The following MSR1 variants were observed in gnomAD, a reference collection of about 807,000 sequenced individuals.
The protein encoded by MSR1 is macrophage scavenger receptor types I and II.
A neutral mutation model predicts 47.2 loss-of-function variants in MSR1; 53 were observed. The ratio of observed to expected loss-of-function variants is 1.12; its 90% CI spans 0.90 to 1.41. The LOEUF (loss-of-function observed/expected upper bound fraction) is 1.41, where lower values mean the gene tolerates loss of function less well. Ranked by LOEUF, MSR1 falls within the 40% of genes most tolerant of loss-of-function variation. The pLI is 0.00. For missense variants in MSR1, 786 were observed against 546.9 expected, an observed-to-expected ratio of 1.44 and a Z score of -4.36; for synonymous variants, 239 against 185.6, an observed-to-expected ratio of 1.29 and a Z score of -2.34.
chr8:16,172,619 A>G (rs904287319), intron 3 of MSR1, among the ~76,000 whole-genome samples: 1 of 152,082 alleles, frequency 6.6e-6, no homozygotes, highest in Non-Finnish European at 1.5e-5. Context: ...TTATCTTTTC[A>G]TACCCCAAAT....
chr8:16,169,869 GATTA>G (rs894731299), intron 3 of MSR1, among the ~76,000 whole-genome samples: 6 of 151,248 alleles, frequency 4.0e-5, no homozygotes, highest in African/African-American at 1.5e-4. Flanking sequence ...ACAATCTTGT[GATTA>G]ATTATTTCCC....
chr8:16,188,528 T>A (rs892732988), intron 1 of MSR1, among the ~76,000 whole-genome samples: 1 of 152,120 alleles, frequency 6.6e-6, no homozygotes, highest in Non-Finnish European at 1.5e-5. Flanking sequence ...GGTTCTGGGA[T>A]ACACGTGCAG....
intron 8 of MSR1, chr8:16,140,680 A>T: frequency 7.7e-7 from 1 of 1,301,714 alleles, no homozygotes. Flanking sequence ...CTCTAGGTCA[A>T]TGGGTGGCAG....
chr8:16,116,707 A>G (rs1422475817), intron 9 of MSR1, among the ~76,000 whole-genome samples: 1 of 152,062 alleles, frequency 6.6e-6, no homozygotes, highest in African/African-American at 2.4e-5. Flanking sequence ...AATGAATAAA[A>G]GTTTTGAGGA....
chr8:16,189,471 ATATATTT>A (rs1238970643), intron 1 of MSR1, among the ~76,000 whole-genome samples: 36 of 312 alleles, frequency 0.12, 1 homozygote, highest in East Asian at 0.2. Context: ...TATATATTTT[ATATATTT>A]TATATATAAA....
chr8:16,165,744 G>A (rs919016433), intron 4 of MSR1, among the ~76,000 whole-genome samples: 1 of 152,238 alleles, frequency 6.6e-6, no homozygotes, highest in South Asian at 2.1e-4. Flanking sequence ...TGGTCAGAGT[G>A]TAGGACCTTC....
intron 7 of MSR1, among the ~76,000 whole-genome samples, chr8:16,148,997 A>C (rs957893731): frequency 3.3e-5 from 5 of 152,144 alleles, no homozygotes; most frequent in African/African-American, 9.6e-5. Context: ...TGGAGTCAGT[A>C]AAAAGATCAG....
intron 4 of MSR1, among the ~76,000 whole-genome samples, chr8:16,165,908 T>C (rs977577946): frequency 3.9e-5 from 6 of 152,136 alleles, no homozygotes; most frequent in Non-Finnish European, 8.8e-5. Context: ...CCTCCTCCCC[T>C]GACCATTTAA....
intron 5 of MSR1, among the ~76,000 whole-genome samples, chr8:16,159,441 T>G (rs1801101604): frequency 6.6e-6 from 1 of 152,078 alleles, no homozygotes; most frequent in Non-Finnish European, 1.5e-5. Flanking sequence ...TTATTATAAC[T>G]ATTTGAGAAA....
In MSR1 at chr8:16,168,850, T is replaced by A. The variant is rs759538964; in HGVS notation, c.238A>T (p.Thr80Ser). Residue 80 changes from threonine (T) to serine (S), a missense_variant, in exon 4 of 10, where the codon ACG (threonine) becomes TCG (serine). Thr to Ser is a moderately conservative substitution (Grantham distance 58, BLOSUM62 1). Transcript: ENST00000262101. ...GTTGAACTAACTGAGCAATTCTTCG[T>A]TTCCCACTTCAGGAGTTGAGCTGTA... ...IVAAQLLKWE[T>S]KNCSVSSTNA... 9 of 1,613,348 alleles carry A rather than the reference T, an allele frequency of 5.6e-6. No homozygotes were observed. The highest frequency in any genetic ancestry group is 7.6e-6 in the Non-Finnish European group (9 of 1,180,000).
chr8:16,109,346 C>A lies in MSR1; in HGVS notation c.*739G>T, dbSNP rs6986419. ...TAGAATTGTAACAAGCTAATTATTC[C>A]ATTTAAAGTGCATAACAAACTAAAC... is the stretch of plus-strand genomic sequence containing the variant. On this transcript the variant is annotated 3_prime_UTR_variant, in exon 10 of 10. Coordinates refer to ENST00000262101, the MANE Select transcript of MSR1 (RefSeq NM_138715.3). 0.68 allele frequency: 103,289 copies of A among 151,808 alleles called. 38,205 individuals are homozygous for A. Among genetic ancestry groups the A allele is most frequent in the Non-Finnish European group, 0.82 (55,982 of 67,936 alleles). 9.4% of individuals were successfully genotyped at this position (151,808 alleles called of 1,614,324 possible). A position where few individuals can be genotyped will look rare whatever the true frequency, so the allele number is the denominator to read the frequency against.
At chr8:16,175,413 A>T in intron 2 of MSR1, 113 bp from the exon 3 acceptor site, 1 of 924,030 alleles carries the variant, frequency 1.1e-6, no homozygotes. Flanking sequence ...GGAATAAAAA[A>T]GAAGAAAAAA....
At chr8:16,189,402 ATT>A (rs1441561280) in intron 1 of MSR1, among the ~76,000 whole-genome samples, 1 of 96,954 alleles carries the variant, frequency 1.0e-5, no homozygotes, top group East Asian at 2.9e-4. Flanking sequence ...TTTTATATAT[ATT>A]TTATATATAT....
intron 1 of MSR1, among the ~76,000 whole-genome samples, chr8:16,188,446 C>A (rs946258932): frequency 6.6e-6 from 1 of 152,004 alleles, no homozygotes; most frequent in African/African-American, 2.4e-5. Context: ...ACGCGTTTTC[C>A]TTAAAATCAC....
intron 5 of MSR1, among the ~76,000 whole-genome samples, chr8:16,160,830 C>G (rs1238970471): frequency 6.6e-6 from 1 of 151,834 alleles, no homozygotes; most frequent in Non-Finnish European, 1.5e-5. Flanking sequence ...CATTTCCAAG[C>G]TAGGCAGAAG....
At chr8:16,158,547 T>A (rs1801072906) in intron 5 of MSR1, among the ~76,000 whole-genome samples, 1 of 151,986 alleles carries the variant, frequency 6.6e-6, no homozygotes, top group Non-Finnish European at 1.5e-5. Context: ...AATCTTCTAC[T>A]CCGTTTTCAA....
At chr8:16,141,783 G>A (rs924358535) in intron 8 of MSR1, among the ~76,000 whole-genome samples, 1 of 151,908 alleles carries the variant, frequency 6.6e-6, no homozygotes, top group East Asian at 1.9e-4. Context: ...GATAACCTTA[G>A]GTAATGGAAG....
chr8:16,124,030 G>A (rs548806675), intron 8 of MSR1, among the ~76,000 whole-genome samples: 4 of 152,210 alleles, frequency 2.6e-5, no homozygotes, highest in South Asian at 2.1e-4. Flanking sequence ...GACAGTTACT[G>A]TCTCTTTCTC....
chr8:16,144,307 G>A (rs1392737744), intron 7 of MSR1, among the ~76,000 whole-genome samples: 1 of 151,916 alleles, frequency 6.6e-6, no homozygotes, highest in Non-Finnish European at 1.5e-5. Context: ...TCTTTCTTTA[G>A]TACCAAGAAA....
Sources: gnomAD v4.1 joint callset for allele counts (sites outside exome capture counted in the v4.1 genomes callset) on GRCh38, gnomAD v4.1.1 for gene constraint, MANE v1.5 for transcripts, NCBI Gene and HGNC (gene_info 2026-07-23, HGNC 2026-07-21) for gene names.